GRM8: variants seen among roughly 807,000 people sequenced by gnomAD.
GRM8 encodes the protein metabotropic glutamate receptor 8.
A neutral mutation model predicts 87.2 loss-of-function variants in GRM8; 47 were observed. That is an observed-to-expected ratio of 0.54 (90% confidence interval 0.43 to 0.69). The LOEUF (loss-of-function observed/expected upper bound fraction) is 0.69. Ranked by LOEUF, GRM8 falls within the 30% of genes least tolerant of loss-of-function variation. The probability of loss-of-function intolerance (pLI) is 0.00; values close to 1 mark genes in which losing one functional copy is unlikely to be tolerated. For synonymous variants in GRM8, 396 were observed against 404.5 expected (o/e 0.98, Z 0.25); for missense variants, 1,019 against 1,139.2 (o/e 0.89, Z 1.52).
chr7:127,085,236 A>C (rs1011664710), intron 3 of GRM8, among the ~76,000 whole-genome samples: 1 of 152,192 alleles, frequency 6.6e-6, no homozygotes, highest in Non-Finnish European at 1.5e-5. Flanking sequence ...GGTTGGTTCC[A>C]AGTCTTCGCT....
At chr7:126,512,080 A>G (rs943304214) in intron 9 of GRM8, 4 of 152,208 alleles carry the variant, frequency 2.6e-5, no homozygotes, top group African/African-American at 9.6e-5. Context: ...ATTAATAACC[A>G]GTATTGGAGG....
intron 7 of GRM8, among the ~76,000 whole-genome samples, chr7:126,616,574 C>T (rs1436769895): frequency 6.6e-6 from 1 of 152,072 alleles, no homozygotes; most frequent in East Asian, 1.9e-4. Flanking sequence ...TTCAAAAAAT[C>T]AATGAATCCA....
At chr7:126,589,996 AG>A (rs1384418239) in intron 8 of GRM8, among the ~76,000 whole-genome samples, 1 of 152,070 alleles carries the variant, frequency 6.6e-6, no homozygotes, top group Non-Finnish European at 1.5e-5. Flanking sequence ...ATATCACACT[AG>A]CTCACCAGTA....
At chr7:126,599,497 C>G (rs1014713706) in intron 8 of GRM8, among the ~76,000 whole-genome samples, 1 of 152,026 alleles carries the variant, frequency 6.6e-6, no homozygotes, top group Non-Finnish European at 1.5e-5. Flanking sequence ...CCATATTATA[C>G]TAATCATTGA....
intron 3 of GRM8, among the ~76,000 whole-genome samples, chr7:127,104,812 TC>T (rs2133063817): frequency 6.6e-6 from 1 of 152,294 alleles, no homozygotes; most frequent in South Asian, 2.1e-4. Flanking sequence ...ACAGCAATGC[TC>T]CCTAAAAAAT....
intron 3 of GRM8, among the ~76,000 whole-genome samples, chr7:126,942,925 C>G (rs929389101): frequency 1.3e-5 from 2 of 152,032 alleles, no homozygotes; most frequent in African/African-American, 4.8e-5. Flanking sequence ...CAAAAGGATC[C>G]TGATACTGAT....
intron 2 of GRM8, among the ~76,000 whole-genome samples, chr7:127,135,933 G>A (rs1305392515): frequency 6.6e-6 from 1 of 152,098 alleles, no homozygotes; most frequent in Admixed American, 6.5e-5. Context: ...TCTGGATATT[G>A]TAGGAGTCCC....
chr7:126,646,306 A>AAGGAAGGAAGGAAAGAAG (rs1554436859), intron 7 of GRM8, among the ~76,000 whole-genome samples: 2 of 35,752 alleles, frequency 5.6e-5, no homozygotes, highest in Admixed American at 2.5e-4. Flanking sequence ...AAGGAAGGAA[A>AAGGAAGGAAGGAAAGAAG]GAAGGAAGGA....
intron 6 of GRM8, among the ~76,000 whole-genome samples, chr7:126,823,024 A>C (rs1794446396): frequency 6.6e-6 from 1 of 152,210 alleles, no homozygotes; most frequent in South Asian, 2.1e-4. Flanking sequence ...GAGCCTTCTA[A>C]AATATGATTT....
In GRM8 at chr7:126,805,716, C is replaced by T. The variant is rs71576301; in HGVS notation, c.1157-35651G>A. 9.0e-3 allele frequency among the ~76,000 whole-genome samples: 1,365 copies of T among 152,284 alleles called. 16 individuals are homozygous for T. Among genetic ancestry groups the T allele is most frequent in the Middle Eastern group, 0.02 (6 of 294 alleles). On this transcript the variant is annotated intron_variant, in intron 6 of 10. Coordinates refer to ENST00000339582, the MANE Select transcript of GRM8 (RefSeq NM_000845.3). ...TTTGGTACCCAAGTTTTGTTATTGT[C>T]TCCCATTTGTTTGACATCCTTGGCA...
intron 8 of GRM8, among the ~76,000 whole-genome samples, chr7:126,560,847 C>T (rs529948810): frequency 2.6e-5 from 4 of 152,130 alleles, no homozygotes; most frequent in Non-Finnish European, 2.9e-5. Flanking sequence ...AATAGGAATG[C>T]TAAGAAAATA....
At chr7:126,649,860 G>T (rs1803603384) in intron 7 of GRM8, among the ~76,000 whole-genome samples, 1 of 152,120 alleles carries the variant, frequency 6.6e-6, no homozygotes, top group African/African-American at 2.4e-5. Flanking sequence ...CTGCCACTTG[G>T]GCCATATGAC....
rs796087445 is a variant in GRM8 at position 126,671,070 on chromosome 7, C to G, written c.1358-61572G>C. On this transcript the variant is annotated intron_variant, in intron 7 of 10. Transcript: ENST00000339582. Reference sequence around the variant, plus strand: ...GGTTTTGACTGGAAGGGTATGCTTCCCTTTAAGGAGTCAATCTTGACTTGC... The same window carrying G: ...GGTTTTGACTGGAAGGGTATGCTTCGCTTTAAGGAGTCAATCTTGACTTGC... Among the ~76,000 whole-genome samples the G allele has an allele frequency of 1.5e-4, 23 of 152,216 alleles. 1 individual carries two copies. The highest frequency in any genetic ancestry group is 5.5e-4 in the African/African-American group (23 of 41,538).
At chr7:126,486,180 G>C (rs575718508) in intron 9 of GRM8, among the ~76,000 whole-genome samples, 1 of 151,972 alleles carries the variant, frequency 6.6e-6, no homozygotes, top group Non-Finnish European at 1.5e-5. Context: ...TAACTTTCTC[G>C]TGGTAAGAGA....
At chr7:126,584,920 T>C (rs1434533378) in intron 8 of GRM8, among the ~76,000 whole-genome samples, 4 of 152,188 alleles carry the variant, frequency 2.6e-5, no homozygotes, top group Non-Finnish European at 2.9e-5. Context: ...GTGGTTATTA[T>C]ATGCTCTCAT....
At chr7:127,131,300 C>T (rs1395678621) in intron 2 of GRM8, among the ~76,000 whole-genome samples, 1 of 152,154 alleles carries the variant, frequency 6.6e-6, no homozygotes, top group Non-Finnish European at 1.5e-5. Flanking sequence ...TAGAAAGTCA[C>T]TGGAAGCAGC....
intron 7 of GRM8, among the ~76,000 whole-genome samples, chr7:126,642,514 C>A (rs958970540): frequency 1.3e-4 from 19 of 152,000 alleles, no homozygotes; most frequent in African/African-American, 4.6e-4. Context: ...CTGGCGGACG[C>A]CTGTAGTCCC....
At chr7:126,897,228 G>A (rs1801630407) in intron 6 of GRM8, among the ~76,000 whole-genome samples, 2 of 152,114 alleles carry the variant, frequency 1.3e-5, no homozygotes, top group African/African-American at 4.8e-5. Context: ...ACATACTCAG[G>A]TCTCTACAAT....
intron 3 of GRM8, among the ~76,000 whole-genome samples, chr7:127,092,468 G>A (rs1290322651): frequency 6.6e-6 from 1 of 152,190 alleles, no homozygotes; most frequent in Non-Finnish European, 1.5e-5. Flanking sequence ...GGCCAAGGCA[G>A]GTGGATCTCT....
Sources: gnomAD v4.1 joint callset for allele counts (sites outside exome capture counted in the v4.1 genomes callset) on GRCh38, gnomAD v4.1.1 for gene constraint, MANE v1.5 for transcripts, NCBI Gene and HGNC (gene_info 2026-07-23, HGNC 2026-07-21) for gene names.